The following MEIS2 variants were observed in gnomAD, a reference collection of about 807,000 sequenced individuals.
MEIS2 encodes Meis homeobox 2, also known as homeobox protein Meis2.
In MEIS2, 9 loss-of-function variants were observed where a neutral mutation model predicts 58.6. The observed-to-expected ratio is 0.15, with a 90% CI of 0.09 to 0.27. The LOEUF (loss-of-function observed/expected upper bound fraction) is 0.27. MEIS2 is among the 10% of genes least tolerant of loss of function. The pLI is 1.00. For synonymous variants in MEIS2, 221 were observed against 228.4 expected, an observed-to-expected ratio of 0.97 and a Z score of 0.29; for missense variants, 427 against 635.0, an observed-to-expected ratio of 0.67 and a Z score of 3.52.
chr15:36,898,800 G>A (rs1303350820), intron 9 of MEIS2: 2 of 152,142 alleles, frequency 1.3e-5, no homozygotes, highest in African/African-American at 4.8e-5. Flanking sequence ...GTAAAAACGA[G>A]GTCCGCTCAA....
intron 11 of MEIS2, among the ~76,000 whole-genome samples, chr15:36,893,051 T>A (rs2055965445): frequency 6.6e-6 from 1 of 152,186 alleles, no homozygotes; most frequent in African/African-American, 2.4e-5. Flanking sequence ...AAGAAGTCAA[T>A]GTGAGGTCAT....
intron 7 of MEIS2, among the ~76,000 whole-genome samples, chr15:37,042,808 A>C (rs2062483860): frequency 1.3e-5 from 2 of 152,176 alleles, no homozygotes; most frequent in South Asian, 4.1e-4. Flanking sequence ...CAGAATTTTC[A>C]TAACTGGTTT....
Position 36,939,618 on chromosome 15 carries a change from A to G in MEIS2, c.977+10706T>C, listed in dbSNP as rs568401841. 2.8e-4 allele frequency among the ~76,000 whole-genome samples: 43 copies of G among 151,988 alleles called. 1 individual carries two copies. The highest frequency in any genetic ancestry group is 2.3e-3 in the Admixed American group (35 of 15,266). On this transcript the variant is annotated intron_variant, in intron 9 of 11. Transcript: ENST00000561208. Reference sequence around the variant, plus strand: ...ATCATACCATCTCCATGATGTGCCAATTTTCTCAAGAAATTGTACCTGTTT... The same window carrying G: ...ATCATACCATCTCCATGATGTGCCAGTTTTCTCAAGAAATTGTACCTGTTT...
intron 9 of MEIS2, among the ~76,000 whole-genome samples, chr15:36,939,034 G>C (rs1255475235): frequency 1.3e-5 from 2 of 152,162 alleles, no homozygotes; most frequent in Non-Finnish European, 2.9e-5. Context: ...GGCAGAGCTG[G>C]TTCCTCCCAG....
intron 7 of MEIS2, among the ~76,000 whole-genome samples, chr15:37,081,973 C>T (rs1333471167): frequency 6.6e-6 from 1 of 152,120 alleles, no homozygotes; most frequent in African/African-American, 2.4e-5. Flanking sequence ...ACAAGTAATC[C>T]CCACTCCAAA....
intron 8 of MEIS2, among the ~76,000 whole-genome samples, chr15:36,970,610 A>G (rs938707772): frequency 6.6e-6 from 1 of 152,208 alleles, no homozygotes; most frequent in Non-Finnish European, 1.5e-5. Context: ...TCTCCAACAT[A>G]GCACAAGGAA....
intron 9 of MEIS2, among the ~76,000 whole-genome samples, chr15:36,933,104 G>A (rs12323967): frequency 6.6e-6 from 1 of 152,042 alleles, no homozygotes; most frequent in Non-Finnish European, 1.5e-5. Context: ...GAGAGGGGCG[G>A]GATAGTCTGT....
chr15:36,998,757 G>A (rs1325309122), intron 8 of MEIS2, among the ~76,000 whole-genome samples: 1 of 152,164 alleles, frequency 6.6e-6, no homozygotes, highest in Non-Finnish European at 1.5e-5. Flanking sequence ...GAAGCGTACT[G>A]CTCTGAGGGC....
intron 9 of MEIS2, among the ~76,000 whole-genome samples, chr15:36,923,653 C>A (rs1009803020): frequency 6.6e-6 from 1 of 152,212 alleles, no homozygotes; most frequent in African/African-American, 2.4e-5. Context: ...ATAGATCATG[C>A]GCTCTGCAGA....
chr15:37,031,452 T>C lies in MEIS2; in HGVS notation c.900+5362A>G, dbSNP rs2141714874. 2.0e-5 allele frequency among the ~76,000 whole-genome samples: 3 copies of C among 151,998 alleles called. No individual in the cohort carries two copies. The Middle Eastern group carries it at 0.01, about 517-fold the overall frequency. On this transcript the variant is annotated intron_variant, in intron 8 of 11. Coordinates refer to ENST00000561208, the MANE Select transcript of MEIS2 (RefSeq NM_170675.5). ...GTGTGTGTGTGTGTGTGTGTGTACA[T>C]TACAATAACAAATTTAAGATGACTA...
At chr15:37,022,727 C>G (rs1159859507) in intron 8 of MEIS2, among the ~76,000 whole-genome samples, 2 of 152,194 alleles carry the variant, frequency 1.3e-5, no homozygotes, top group Non-Finnish European at 1.5e-5. Flanking sequence ...GCAACCTCGT[C>G]TCCCAGGAGG....
rs982810884 is a variant in MEIS2 at position 37,030,935 on chromosome 15, C to T, written c.900+5879G>A. Among the ~76,000 whole-genome samples the T allele has an allele frequency of 5.3e-5, 8 of 152,182 alleles. No homozygotes were observed. In the East Asian group the frequency reaches 7.7e-4, roughly 15 times the overall value. On this transcript the variant is annotated intron_variant, in intron 8 of 11. Transcript: ENST00000561208. ...GGGTTAAAGGCATAAGCCACTGCAC[C>T]GGCCATATTTGGGATTTGTTTGGCA...
At chr15:37,099,430 G>C (rs779992422) in intron 1 of MEIS2, 25 bp downstream of exon 1, 4 of 1,613,998 alleles carry the variant, frequency 2.5e-6, no homozygotes, top group Admixed American at 1.7e-5. Context: ...TTATATCTAG[G>C]TAAGTGTTGG....
At chr15:36,961,090 C>T (rs916473520) in intron 8 of MEIS2, among the ~76,000 whole-genome samples, 1 of 152,080 alleles carries the variant, frequency 6.6e-6, no homozygotes, top group Non-Finnish European at 1.5e-5. Flanking sequence ...GAGCAAGGTA[C>T]TGCCACAACA....
intron 8 of MEIS2, among the ~76,000 whole-genome samples, chr15:37,016,968 T>G (rs1416920917): frequency 6.6e-6 from 1 of 152,242 alleles, no homozygotes; most frequent in Non-Finnish European, 1.5e-5. Context: ...GTATTCTCTG[T>G]TTAATTTTTT....
chr15:37,058,012 A>G (rs578200653), intron 7 of MEIS2, among the ~76,000 whole-genome samples: 1 of 152,296 alleles, frequency 6.6e-6, no homozygotes, highest in African/African-American at 2.4e-5. Context: ...CCGGGGATCA[A>G]TGTTGGTGAG....
chr15:36,971,452 A>AAAT (rs2059554018), intron 8 of MEIS2, among the ~76,000 whole-genome samples: 1 of 148,428 alleles, frequency 6.7e-6, no homozygotes. Context: ...GCTGGAAGCT[A>AAAT]AATTTGGCCG....
intron 7 of MEIS2, among the ~76,000 whole-genome samples, chr15:37,056,954 G>T (rs946940591): frequency 6.6e-6 from 1 of 152,154 alleles, no homozygotes; most frequent in Non-Finnish European, 1.5e-5. Flanking sequence ...TGGGAATTTC[G>T]TGGGTTCCAC....
chr15:36,973,599 A>G (rs916617407), intron 8 of MEIS2, among the ~76,000 whole-genome samples: 5 of 152,234 alleles, frequency 3.3e-5, no homozygotes, highest in South Asian at 2.1e-4. Context: ...TCTATTTTAA[A>G]TTATCCGAAT....
Sources: allele counts gnomAD v4.1 joint callset (sites outside exome capture counted in the v4.1 genomes callset), GRCh38; gene constraint gnomAD v4.1.1; transcripts MANE v1.5; gene names NCBI Gene and HGNC (gene_info 2026-07-23, HGNC 2026-07-21).